The following ABCC6 variants were observed in gnomAD, a reference collection of about 807,000 sequenced individuals.
The protein encoded by ABCC6 is ATP binding cassette subfamily C member 6.
ABCC6 carries 126 observed loss-of-function variants against 169.5 expected under a neutral mutation model. The ratio of observed to expected loss-of-function variants is 0.74; its 90% CI spans 0.64 to 0.86. The LOEUF (loss-of-function observed/expected upper bound fraction) is 0.86, where lower values mean the gene tolerates loss of function less well. Among genes scored for constraint, ABCC6 ranks in the 40% least tolerant of loss-of-function variants. The pLI is 0.00. For missense variants in ABCC6, 1,733 were observed against 1,927.2 expected, an observed-to-expected ratio of 0.90 and a Z score of 1.89; for synonymous variants, 752 against 814.7, an observed-to-expected ratio of 0.92 and a Z score of 1.31.
intron 2 of ABCC6, chr16:16,220,284 C>CTA (rs2049031450): frequency 3.2e-6 from 1 of 311,942 alleles, no homozygotes; most frequent in African/African-American, 2.1e-5. Context: ...AGGTAAAAAA[C>CTA]TATCCTTTCT....
chr16:16,157,526 G>T (rs943437941), intron 27 of ABCC6, 137 bp downstream of exon 27: 15 of 1,116,006 alleles, frequency 1.3e-5, no homozygotes, highest in South Asian at 5.3e-5. Flanking sequence ...TTCATTTTAG[G>T]GGGTAATGGG....
chr16:16,200,764 C>T (rs577790158), intron 9 of ABCC6, among the ~76,000 whole-genome samples: 7 of 151,650 alleles, frequency 4.6e-5, no homozygotes, highest in South Asian at 2.1e-4. Flanking sequence ...TTACATGGGA[C>T]GGGACCTGCC....
chr16:16,170,942 GAAAGA>G (rs1215384143), intron 21 of ABCC6, among the ~76,000 whole-genome samples: 33 of 101,954 alleles, frequency 3.2e-4, no homozygotes, highest in African/African-American at 1.2e-3. Flanking sequence ...AAAAAAAAAA[GAAAGA>G]AAGAAAGAAA....
At chr16:16,209,694 C>G (rs1490323304) in intron 6 of ABCC6, among the ~76,000 whole-genome samples, 1 of 151,928 alleles carries the variant, frequency 6.6e-6, no homozygotes, top group East Asian at 1.9e-4. Context: ...ACCTCCGCCT[C>G]CCTGGCTCAA....
Position 16,169,810 on chromosome 16 carries a change from G to T in ABCC6, c.2831C>A (p.Thr944Asn), listed in dbSNP as rs72653801. The stretch of plus-strand genomic sequence containing the variant: ...GAAGAGTGCGTAGAGGCAGAGGGGG[G>T]TGCCCACGGCACGCAGGTAGGCCAG... ...VHLAYLRAVGTPLCLYALFLF... is the reference protein window; with the variant it reads ...VHLAYLRAVGNPLCLYALFLF... The change falls in exon 22 of 31, where the codon ACC becomes AAC. Residue 944 changes from threonine to asparagine, a missense_variant. This residue lies in a region of ABCC6 where 1,601 missense variants were observed against 1,635.5 expected (regional missense o/e 0.98). Coordinates refer to ENST00000205557, the MANE Select transcript of ABCC6 (RefSeq NM_001171.6). The T allele has an allele frequency of 1.9e-6, 3 of 1,568,288 alleles. No individual in the cohort carries two copies. The highest frequency in any genetic ancestry group is 2.4e-5 in the East Asian group (1 of 42,164).
At chr16:16,198,986 T>C (rs1450284261) in intron 9 of ABCC6, among the ~76,000 whole-genome samples, 3 of 101,856 alleles carry the variant, frequency 2.9e-5, no homozygotes, top group South Asian at 7.7e-4. Flanking sequence ...AAGAGCAAAA[T>C]CCATTTCGGG....
intron 10 of ABCC6, among the ~76,000 whole-genome samples, chr16:16,196,520 C>T (rs4780599): frequency 0.67 from 102,502 of 152,088 alleles, 34,676 homozygotes; most frequent in East Asian, 0.76. Context: ...CATATGGGCT[C>T]GTTTAATGCC....
chr16:16,153,493 CAGAG>C (rs1424767534), intron 29 of ABCC6, among the ~76,000 whole-genome samples: 7 of 152,028 alleles, frequency 4.6e-5, no homozygotes, highest in African/African-American at 1.2e-4. Flanking sequence ...TAGTCACACT[CAGAG>C]AGACAGGAGA....
intron 29 of ABCC6, among the ~76,000 whole-genome samples, chr16:16,150,973 A>C (rs531611376): frequency 6.6e-6 from 1 of 152,334 alleles, no homozygotes; most frequent in African/African-American, 2.4e-5. Context: ...GGCTGACTGT[A>C]GGCAGGTCAT....
In ABCC6 at chr16:16,154,676, A is replaced by G; in HGVS notation, c.4160T>C (p.Leu1387Pro). 6.2e-7 allele frequency: 1 copy of G among 1,613,218 alleles called. No individual in the cohort carries two copies. Among genetic ancestry groups the G allele is most frequent in the East Asian group, 2.2e-5 (1 of 44,862 alleles). Residue 1387 changes from leucine (L) to proline (P), a missense_variant, in exon 29 of 31, where the codon CTG (leucine) becomes CCG (proline). Physicochemically the swap from Leu to Pro is moderately conservative, Grantham distance 98 (BLOSUM62 -3). Around this residue, in one of 5 missense-constraint regions of ABCC6, gnomAD observed 1,601 missense variants for 1,635.5 expected, o/e 0.98. Coordinates refer to ENST00000205557, the MANE Select transcript of ABCC6 (RefSeq NM_001171.6). ...TVQLKALVAS[L>P]PGQLQYKCAD... ...ACACTTGTACTGCAGCTGGCCGGGC[A>G]GGCTGGCCACCAAGGCTTTGAGCTG... is the stretch of plus-strand genomic sequence containing the variant.
At chr16:16,168,434 C>G (rs13336520) in intron 22 of ABCC6, among the ~76,000 whole-genome samples, 1 of 152,006 alleles carries the variant, frequency 6.6e-6, no homozygotes, top group Non-Finnish European at 1.5e-5. Flanking sequence ...TGCAGTGAGC[C>G]GAGTTCGTGC....
At chr16:16,209,380 A>G (rs1335591405) in intron 6 of ABCC6, among the ~76,000 whole-genome samples, 3 of 151,960 alleles carry the variant, frequency 2.0e-5, no homozygotes, top group Non-Finnish European at 4.4e-5. Context: ...CACCACACCC[A>G]GCCTGTAAAT....
In ABCC6 at chr16:16,208,835, C is replaced by T. The variant is rs1273741245; in HGVS notation, c.687G>A (p.Arg229=). ...VSGLVWRGYR[R]PLRPKDLWSL... ...ACCAGAGGTCTTTTGGTCTCAGTGG[C>T]CTCCTGTATCCCCTCCAGACCAGGC... The change falls in exon 7 of 31, where the codon AGG becomes AGA. Residue 229 remains arginine, a synonymous_variant. Transcript: ENST00000205557. The T allele has an allele frequency of 3.7e-6, 6 of 1,613,444 alleles. No homozygotes were observed. In the South Asian group the frequency reaches 6.6e-5, roughly 18 times the overall value.
intron 11 of ABCC6, among the ~76,000 whole-genome samples, chr16:16,190,576 G>A (rs967860718): frequency 7.2e-5 from 11 of 152,036 alleles, no homozygotes; most frequent in Non-Finnish European, 1.6e-4. Context: ...GGGATAATGT[G>A]CCCCATGGAG....
intron 27 of ABCC6, chr16:16,155,656 A>G (rs1163831868): frequency 6.4e-6 from 1 of 155,724 alleles, no homozygotes; most frequent in Non-Finnish European, 1.4e-5. Context: ...TCCATCTCCC[A>G]TGCTGTTATC....
rs922867671 is a variant in ABCC6 at position 16,178,718 on chromosome 16, A to G, written c.2415+80T>C. ...GACTCAAGTGGAAGGGGGAGGTGAG[A>G]TAAACTTGGGTTAGGACTGGATGCT... On this transcript the variant is annotated intron_variant, in intron 18 of 30. Coordinates refer to ENST00000205557, the MANE Select transcript of ABCC6 (RefSeq NM_001171.6). 3.2e-6 allele frequency: 5 copies of G among 1,542,926 alleles called. No individual in the cohort carries two copies. The African/African-American group carries it at 6.8e-5, about 21-fold the overall frequency.
Position 16,173,289 on chromosome 16 carries a change from C to T in ABCC6, c.2782G>A (p.Gly928Ser), listed in dbSNP as rs142470921. 4.7e-5 allele frequency: 76 copies of T among 1,613,716 alleles called. No individual in the cohort carries two copies. The highest frequency in any genetic ancestry group is 1.7e-4 in the African/African-American group (13 of 74,840). ...WPAGKDSIQY[G>S]RVKATVHLAY... ...TGGGTGAAGCTGGTGGTTACCCTGC[C>T]GTATTGGATGCTGTCCTTTCCTGCT... The change falls in exon 21 of 31, where the codon GGC becomes AGC. Residue 928 changes from glycine (G) to serine (S), a missense_variant. Gly to Ser is a moderately conservative substitution (Grantham distance 56, BLOSUM62 0). Coordinates refer to ENST00000205557, the MANE Select transcript of ABCC6 (RefSeq NM_001171.6).
At chr16:16,181,110 C>G (rs1421014302) in intron 17 of ABCC6, among the ~76,000 whole-genome samples, 1 of 152,172 alleles carries the variant, frequency 6.6e-6, no homozygotes, top group Non-Finnish European at 1.5e-5. Context: ...TCAAGACCAG[C>G]CTGGCCAACA....
chr16:16,162,581 G>C (rs1017120793), intron 24 of ABCC6, among the ~76,000 whole-genome samples: 4 of 152,234 alleles, frequency 2.6e-5, no homozygotes, highest in Admixed American at 6.5e-5. Context: ...TTTGACAAAT[G>C]AGGCTCAGAG....
Sources: gnomAD v4.1 joint callset for allele counts (sites outside exome capture counted in the v4.1 genomes callset) on GRCh38, gnomAD v4.1.1 for gene constraint, gnomAD v4.1.1 regional missense constraint, MANE v1.5 for transcripts, NCBI Gene and HGNC (gene_info 2026-07-23, HGNC 2026-07-21) for gene names.